The following PTPRD variants were observed in gnomAD, a reference collection of about 807,000 sequenced individuals.
PTPRD encodes the protein receptor-type tyrosine-protein phosphatase delta.
Under a neutral mutation model 214.5 loss-of-function variants are expected in PTPRD, and 34 were observed. The observed-to-expected ratio is 0.16, with a 90% CI of 0.12 to 0.21. The LOEUF is 0.21. Ranked by LOEUF, PTPRD falls within the 10% of genes least tolerant of loss-of-function variation. The pLI is 1.00. For missense variants in PTPRD, 2,545 were observed against 2,398.7 expected (o/e 1.06, Z -1.27); for synonymous variants, 1,128 against 845.7 (o/e 1.33, Z -5.79).
chr9:9,106,031 G>A (rs118187880), intron 10 of PTPRD, among the ~76,000 whole-genome samples: 1 of 152,072 alleles, frequency 6.6e-6, no homozygotes, highest in Non-Finnish European at 1.5e-5. Context: ...ATTAGAAAAG[G>A]GGGGGTCGAT....
At chr9:10,596,676 G>A (rs1351075478) in intron 2 of PTPRD, among the ~76,000 whole-genome samples, 1 of 151,546 alleles carries the variant, frequency 6.6e-6, no homozygotes, top group Non-Finnish European at 1.5e-5. Flanking sequence ...CTAAGAGCTG[G>A]TAGAATGTGA....
chr9:9,239,417 C>G (rs2099969180), intron 9 of PTPRD, among the ~76,000 whole-genome samples: 1 of 152,042 alleles, frequency 6.6e-6, no homozygotes, highest in Non-Finnish European at 1.5e-5. Flanking sequence ...GGTTGTGTCT[C>G]CTAAATGTTT....
intron 14 of PTPRD, among the ~76,000 whole-genome samples, chr9:8,606,872 G>C (rs1416437344): frequency 1.3e-5 from 2 of 152,018 alleles, no homozygotes; most frequent in African/African-American, 4.8e-5. Context: ...ATCTGTCACA[G>C]TTTTTTTTGT....
At chr9:10,083,814 C>A (rs147106474) in intron 3 of PTPRD, among the ~76,000 whole-genome samples, 18 of 152,066 alleles carry the variant, frequency 1.2e-4, no homozygotes, top group African/African-American at 4.3e-4. Context: ...CAATAGAGTT[C>A]ATGCTTCCTT....
intron 14 of PTPRD, among the ~76,000 whole-genome samples, chr9:8,596,798 G>A (rs2094500530): frequency 6.6e-6 from 1 of 152,068 alleles, no homozygotes; most frequent in South Asian, 2.1e-4. Flanking sequence ...CAATATTGTT[G>A]ATAAACAGCT....
chr9:10,490,931 T>C (rs1184681557), intron 2 of PTPRD, among the ~76,000 whole-genome samples: 1 of 152,190 alleles, frequency 6.6e-6, no homozygotes, highest in African/African-American at 2.4e-5. Context: ...AGTGGGGTTA[T>C]AATCACTTTT....
At chr9:8,693,922 G>A (rs553655370) in intron 12 of PTPRD, among the ~76,000 whole-genome samples, 1 of 152,208 alleles carries the variant, frequency 6.6e-6, no homozygotes, top group Non-Finnish European at 1.5e-5. Context: ...CTAAATGCTA[G>A]ATTGAGAAGC....
At chr9:8,422,147 CAAAAAAAAAAAA>C (rs768623202) in intron 35 of PTPRD, among the ~76,000 whole-genome samples, 8 of 33,992 alleles carry the variant, frequency 2.4e-4, no homozygotes, top group Admixed American at 1.6e-3. Flanking sequence ...ACCCTGTCTC[CAAAAAAAAAAAA>C]AAAAAAAAAA....
chr9:9,106,191 T>C (rs2099798327), intron 10 of PTPRD, among the ~76,000 whole-genome samples: 3 of 152,088 alleles, frequency 2.0e-5, no homozygotes, highest in Non-Finnish European at 2.9e-5. Flanking sequence ...TAGTTTCATT[T>C]AATCTATGTT....
chr9:8,490,342 C>A (rs1265689052), intron 27 of PTPRD, among the ~76,000 whole-genome samples: 1 of 152,232 alleles, frequency 6.6e-6, no homozygotes, highest in African/African-American at 2.4e-5. Context: ...TGTGTGGTTG[C>A]CCTTTACTTT....
chr9:10,169,473 C>CAAAAAAA (rs59335943), intron 3 of PTPRD, among the ~76,000 whole-genome samples: 2,083 of 66,698 alleles, frequency 0.031, 72 homozygotes, highest in Non-Finnish European at 0.044. Flanking sequence ...GACTCTGTCT[C>CAAAAAAA]AAAAAAAAAA....
At chr9:9,015,940 G>A (rs1443304318) in intron 11 of PTPRD, among the ~76,000 whole-genome samples, 1 of 152,124 alleles carries the variant, frequency 6.6e-6, no homozygotes, top group Non-Finnish European at 1.5e-5. Flanking sequence ...TAGAAAGAAA[G>A]TAGAGTTGGG....
At chr9:10,066,862 C>T (rs1056214266) in intron 3 of PTPRD, among the ~76,000 whole-genome samples, 2 of 151,772 alleles carry the variant, frequency 1.3e-5, no homozygotes, top group African/African-American at 2.4e-5. Flanking sequence ...TGTACTGTCT[C>T]GTGTTTCTTA....
intron 7 of PTPRD, among the ~76,000 whole-genome samples, chr9:9,670,701 AG>A (rs1450127859): frequency 2.0e-5 from 3 of 152,194 alleles, no homozygotes; most frequent in Non-Finnish European, 4.4e-5. Flanking sequence ...CATAGAGCTC[AG>A]GCTGTGGCTT....
chr9:8,932,856 C>A (rs4478629), intron 11 of PTPRD, among the ~76,000 whole-genome samples: 97,066 of 150,700 alleles, frequency 0.64, 31,966 homozygotes, highest in Non-Finnish European at 0.72. Context: ...CCCTGGCTTC[C>A]GTCGCCTTTC....
At chr9:10,255,963 G>A (rs1234164264) in intron 3 of PTPRD, among the ~76,000 whole-genome samples, 1 of 152,174 alleles carries the variant, frequency 6.6e-6, no homozygotes, top group East Asian at 1.9e-4. Context: ...AGAAGGAGGT[G>A]AGCAGCAGGT....
chr9:10,208,380 G>A (rs535479845), intron 3 of PTPRD, among the ~76,000 whole-genome samples: 466 of 152,244 alleles, frequency 3.1e-3, no homozygotes, highest in Non-Finnish European at 4.5e-3. Context: ...CGGGCGTGGT[G>A]GCGGGCGCCT....
At chr9:9,570,366 T>C (rs1406826369) in intron 8 of PTPRD, among the ~76,000 whole-genome samples, 1 of 151,564 alleles carries the variant, frequency 6.6e-6, no homozygotes, top group Non-Finnish European at 1.5e-5. Flanking sequence ...GTCGTTTAAC[T>C]TCATTTTTCC....
chr9:10,053,664 A>T (rs2097572822), intron 3 of PTPRD, among the ~76,000 whole-genome samples: 1 of 152,186 alleles, frequency 6.6e-6, no homozygotes, highest in Non-Finnish European at 1.5e-5. Context: ...TGTAATCATC[A>T]CAGAATGCTT....
Sources: gnomAD v4.1 joint callset for allele counts (sites outside exome capture counted in the v4.1 genomes callset) on GRCh38, gnomAD v4.1.1 for gene constraint, MANE v1.5 for transcripts, NCBI Gene and HGNC (gene_info 2026-07-23, HGNC 2026-07-21) for gene names.